Variants in TCF4 observed in about 807,000 individuals in gnomAD.
TCF4 encodes transcription factor 4.
In TCF4, 3 loss-of-function variants were observed where a neutral mutation model predicts 82.1. The ratio of observed to expected loss-of-function variants is 0.04; its 90% CI spans 0.02 to 0.09. The LOEUF (loss-of-function observed/expected upper bound fraction) is 0.09. Among genes scored for constraint, TCF4 ranks in the 10% least tolerant of loss-of-function variants. The pLI is 1.00. For missense variants in TCF4, 518 were observed against 852.7 expected (o/e 0.61, Z 4.89); for synonymous variants, 276 against 309.6 (o/e 0.89, Z 1.14).
intron 17 of TCF4, 197 bp downstream of exon 17, chr18:55,232,312 G>A: frequency 1.6e-6 from 1 of 609,644 alleles, no homozygotes. Flanking sequence ...ATTCATAAAT[G>A]CCAAAACAGT....
intron 6 of TCF4, among the ~76,000 whole-genome samples, chr18:55,369,864 A>G (rs1474562583): frequency 2.6e-5 from 4 of 152,190 alleles, no homozygotes; most frequent in Non-Finnish European, 1.5e-5. Context: ...TGCAGAAAGG[A>G]GCTGGGCATT....
In TCF4 at chr18:55,227,862, T is replaced by A. The variant is rs939286546; in HGVS notation, c.*173A>T. On this transcript the variant is annotated 3_prime_UTR_variant, in exon 20 of 20. Transcript: ENST00000354452. Reference sequence around the variant, plus strand: ...TTTCTTTTTTTTGTTTTTCTGTTTTTTGATAATTGGGAATGCTGAAACCTC... The same window carrying A: ...TTTCTTTTTTTTGTTTTTCTGTTTTATGATAATTGGGAATGCTGAAACCTC... The A allele has an allele frequency of 8.7e-6, 2 of 231,052 alleles. No individual in the cohort carries two copies. The highest frequency in any genetic ancestry group is 4.7e-5 in the African/African-American group (2 of 42,510). 14.3% of individuals were successfully genotyped at this position (231,052 alleles called of 1,614,324 possible).
At chr18:55,398,812 C>A (rs2093640272) in intron 6 of TCF4, among the ~76,000 whole-genome samples, 1 of 152,146 alleles carries the variant, frequency 6.6e-6, no homozygotes, top group Non-Finnish European at 1.5e-5. Flanking sequence ...CAGACATGGT[C>A]CCTGCCCTCC....
intron 11 of TCF4, chr18:55,265,961 A>G (rs1344591429): frequency 2.0e-5 from 3 of 152,212 alleles, no homozygotes; most frequent in Non-Finnish European, 4.4e-5. Context: ...TAAAACAATA[A>G]TAGTTATTAT....
In TCF4 at chr18:55,326,501, T is replaced by C. The variant is rs577627618; in HGVS notation, c.549+23858A>G. On this transcript the variant is annotated intron_variant, in intron 8 of 19. Coordinates refer to ENST00000354452, the MANE Select transcript of TCF4 (RefSeq NM_001083962.2). ...AAAGAATTATAAAAATACAGCACCA[T>C]GCTAAACTCTTCCCAATGGAGCAAA... is the stretch of plus-strand genomic sequence containing the variant. Among the ~76,000 whole-genome samples, 4 of 149,308 alleles carry C rather than the reference T, an allele frequency of 2.7e-5. No homozygotes were observed. In the East Asian group the frequency reaches 6.0e-4, roughly 22 times the overall value.
chr18:55,434,957 T>G (rs940234208), intron 5 of TCF4, among the ~76,000 whole-genome samples: 1 of 152,190 alleles, frequency 6.6e-6, no homozygotes, highest in African/African-American at 2.4e-5. Flanking sequence ...ACTCTTCCAG[T>G]TATTTTTAAA....
chr18:55,464,268 G>T, intron 3 of TCF4, 131 bp from the exon 4 acceptor site: 1 of 780,094 alleles, frequency 1.3e-6, no homozygotes, highest in Non-Finnish European at 2.2e-6. Context: ...GGGCTACCAT[G>T]ATGATAGTGG....
intron 3 of TCF4, among the ~76,000 whole-genome samples, chr18:55,545,178 C>T (rs900059315): frequency 1.3e-5 from 2 of 152,210 alleles, no homozygotes; most frequent in Non-Finnish European, 2.9e-5. Flanking sequence ...CTTCACAAAA[C>T]AGTTGTGAAG....
chr18:55,565,797 C>A (rs1170017337), intron 3 of TCF4, among the ~76,000 whole-genome samples: 9 of 151,876 alleles, frequency 5.9e-5, no homozygotes, highest in Non-Finnish European at 1.0e-4. Flanking sequence ...AAAATGATGT[C>A]TTTTGTAGTA....
At chr18:55,297,861 A>G (rs2067004467) in intron 8 of TCF4, among the ~76,000 whole-genome samples, 1 of 152,086 alleles carries the variant, frequency 6.6e-6, no homozygotes, top group African/African-American at 2.4e-5. Flanking sequence ...CAAAAGTGGT[A>G]TCCCTTTTTT....
chr18:55,468,273 G>C (rs192108298), intron 3 of TCF4, among the ~76,000 whole-genome samples: 1 of 152,314 alleles, frequency 6.6e-6, no homozygotes, highest in Non-Finnish European at 1.5e-5. Flanking sequence ...TGAAGGACTG[G>C]CTATTTGCTA....
At chr18:55,444,091 A>G (rs80116403) in intron 5 of TCF4, among the ~76,000 whole-genome samples, 3,659 of 152,320 alleles carry the variant, frequency 0.024, 82 homozygotes, top group Non-Finnish European at 0.031. Flanking sequence ...ATATCAACAG[A>G]GTGAAAGGAC....
intron 3 of TCF4, among the ~76,000 whole-genome samples, chr18:55,486,764 T>C (rs920049147): frequency 3.3e-5 from 5 of 152,180 alleles, no homozygotes; most frequent in African/African-American, 1.2e-4. Context: ...ACCAGTCTTA[T>C]TTCACTGAAG....
intron 3 of TCF4, among the ~76,000 whole-genome samples, chr18:55,563,265 C>T (rs1056297901): frequency 2.0e-5 from 3 of 148,554 alleles, no homozygotes; most frequent in Non-Finnish European, 3.0e-5. Flanking sequence ...AAAAAGTCTG[C>T]GTTTTTTCTT....
intron 3 of TCF4, among the ~76,000 whole-genome samples, chr18:55,500,264 C>A (rs2096683107): frequency 6.6e-6 from 1 of 152,164 alleles, no homozygotes. Context: ...AAGCTCTTAC[C>A]CCTAACTCGA....
At chr18:55,338,134 C>G (rs1032018793) in intron 8 of TCF4, among the ~76,000 whole-genome samples, 10 of 152,192 alleles carry the variant, frequency 6.6e-5, no homozygotes, top group African/African-American at 2.4e-4. Flanking sequence ...TTAGCCCATT[C>G]TGATGCCAAG....
intron 4 of TCF4, 128 bp downstream of exon 4, chr18:55,463,948 C>CTGTGTGTGTGTG (rs151196106): frequency 2.7e-5 from 19 of 702,334 alleles, no homozygotes; most frequent in Middle Eastern, 3.1e-4. Flanking sequence ...GCCCATGCCT[C>CTGTGTGTGTGTG]TGTGTGTGTG....
chr18:55,467,002 T>C (rs2096040416), intron 3 of TCF4, among the ~76,000 whole-genome samples: 1 of 152,212 alleles, frequency 6.6e-6, no homozygotes, highest in African/African-American at 2.4e-5. Context: ...CTTTCTTTCT[T>C]TGATTGCTCT....
intron 10 of TCF4, among the ~76,000 whole-genome samples, chr18:55,271,120 G>A (rs935171543): frequency 1.3e-5 from 2 of 152,030 alleles, no homozygotes; most frequent in African/African-American, 4.8e-5. Flanking sequence ...GTGTTGCCCT[G>A]TTTACTCTGT....
Sources: gnomAD v4.1 joint callset for allele counts (sites outside exome capture counted in the v4.1 genomes callset) on GRCh38, gnomAD v4.1.1 for gene constraint, MANE v1.5 for transcripts, NCBI Gene and HGNC (gene_info 2026-07-23, HGNC 2026-07-21) for gene names.